Variants in PIP4K2A observed in about 807,000 individuals in gnomAD.
The protein encoded by PIP4K2A is phosphatidylinositol 5-phosphate 4-kinase type-2 alpha.
In PIP4K2A, 14 loss-of-function variants were observed where a neutral mutation model predicts 42.9. The observed-to-expected ratio is 0.33, with a 90% CI of 0.22 to 0.51. The LOEUF is 0.51. Among genes scored for constraint, PIP4K2A ranks in the 20% least tolerant of loss-of-function variants. The pLI, the probability that PIP4K2A is intolerant of heterozygous loss-of-function variation, is 0.97. For missense variants in PIP4K2A, 434 were observed against 519.8 expected, an observed-to-expected ratio of 0.83 and a Z score of 1.61; for synonymous variants, 192 against 192.2, an observed-to-expected ratio of 1.00 and a Z score of 0.01.
Position 22,601,130 on chromosome 10 carries a change from C to CAAAAAAAAAAAAAAAAAA in PIP4K2A, c.339+6779_339+6796dup, listed in dbSNP as rs1188396077. Among the ~76,000 whole-genome samples the CAAAAAAAAAAAAAAAAAA allele has an allele frequency of 5.6e-4, 18 of 31,926 alleles. 3 individuals carry two copies. Among genetic ancestry groups the CAAAAAAAAAAAAAAAAAA allele is most frequent in the Non-Finnish European group, 1.2e-3 (14 of 11,420 alleles). 20.9% of individuals were successfully genotyped at this position (31,926 alleles called of 152,430 possible). On this transcript the variant is annotated intron_variant, in intron 3 of 9. Coordinates refer to ENST00000376573, the MANE Select transcript of PIP4K2A (RefSeq NM_005028.5). Reference sequence around the variant, plus strand: ...CCTGGGCAACAGAGCGAGACTGTCTCAAAAAAAAAAAAAAAAAAAAAAAAA... The same window carrying CAAAAAAAAAAAAAAAAAA: ...CCTGGGCAACAGAGCGAGACTGTCTCAAAAAAAAAAAAAAAAAAAAAAAAAAAAAAAAAAAAAAAAAAA...
chr10:22,606,341 T>C (rs1452327113), intron 3 of PIP4K2A, among the ~76,000 whole-genome samples: 1 of 151,192 alleles, frequency 6.6e-6, no homozygotes, highest in African/African-American at 2.4e-5. Context: ...CTAACAGGAG[T>C]GTTGGCTCCC....
chr10:22,636,725 C>T (rs1838673847), intron 1 of PIP4K2A, among the ~76,000 whole-genome samples: 1 of 152,222 alleles, frequency 6.6e-6, no homozygotes, highest in Non-Finnish European at 1.5e-5. Flanking sequence ...ATGTGGACGA[C>T]TGCATATTAA....
rs1554807247 is a variant in PIP4K2A at position 22,664,142 on chromosome 10, C to CATAT, written c.144+50037_144+50040dup. 1.5e-3 allele frequency among the ~76,000 whole-genome samples: 43 copies of CATAT among 27,958 alleles called. 1 individual carries two copies. The highest frequency in any genetic ancestry group is 1.7e-3 in the African/African-American group (5 of 2,958). 18.3% of individuals were successfully genotyped at this position (27,958 alleles called of 152,430 possible). On this transcript the variant is annotated intron_variant, in intron 1 of 9. Coordinates refer to ENST00000376573, the MANE Select transcript of PIP4K2A (RefSeq NM_005028.5). ...ATATATATATATACATATATATATACATATATATACACATATATATATATA... is the reference window on the plus strand; with the variant it reads ...ATATATATATATACATATATATATACATATATATATATACACATATATATATATA...
intron 7 of PIP4K2A, among the ~76,000 whole-genome samples, chr10:22,545,885 G>C (rs1013756650): frequency 6.6e-6 from 1 of 152,076 alleles, no homozygotes; most frequent in Non-Finnish European, 1.5e-5. Flanking sequence ...TTTTTATTTT[G>C]TGTGGAGACA....
At chr10:22,586,263 T>C (rs1291044360) in intron 4 of PIP4K2A, among the ~76,000 whole-genome samples, 1 of 152,206 alleles carries the variant, frequency 6.6e-6, no homozygotes, top group East Asian at 1.9e-4. Context: ...CTTCTTTCTT[T>C]GCACAGAGTG....
At chr10:22,713,526 C>T (rs2130936321) in intron 1 of PIP4K2A, among the ~76,000 whole-genome samples, 1 of 152,320 alleles carries the variant, frequency 6.6e-6, no homozygotes, top group African/African-American at 2.4e-5. Context: ...GGGAGAAGCG[C>T]AGGGATGCCG....
At chr10:22,574,574 A>G (rs765638482) in intron 4 of PIP4K2A, among the ~76,000 whole-genome samples, 50 of 152,110 alleles carry the variant, frequency 3.3e-4, no homozygotes, top group Non-Finnish European at 6.0e-4. Context: ...TAAGAATGAA[A>G]AAGTCTTTGG....
At chr10:22,661,170 T>C (rs916758846) in intron 1 of PIP4K2A, among the ~76,000 whole-genome samples, 2 of 152,212 alleles carry the variant, frequency 1.3e-5, no homozygotes, top group African/African-American at 4.8e-5. Flanking sequence ...ACTTAGACCA[T>C]GTATTCATCT....
chr10:22,649,906 C>G (rs1360798224), intron 1 of PIP4K2A, among the ~76,000 whole-genome samples: 1 of 152,182 alleles, frequency 6.6e-6, no homozygotes, highest in Non-Finnish European at 1.5e-5. Context: ...ATTCATATCC[C>G]TCTCCCATCC....
At chr10:22,541,310 G>A (rs1836106762) in intron 8 of PIP4K2A, among the ~76,000 whole-genome samples, 1 of 152,162 alleles carries the variant, frequency 6.6e-6, no homozygotes, top group Admixed American at 6.5e-5. Context: ...GAGGGCTGTT[G>A]GTAATGACAA....
intron 3 of PIP4K2A, among the ~76,000 whole-genome samples, chr10:22,591,987 A>G (rs1837523558): frequency 1.3e-5 from 2 of 152,258 alleles, no homozygotes; most frequent in Admixed American, 6.5e-5. Context: ...AACAGCTTGA[A>G]TTGTACTATG....
intron 7 of PIP4K2A, among the ~76,000 whole-genome samples, chr10:22,546,268 G>A (rs1316189736): frequency 6.6e-6 from 1 of 152,086 alleles, no homozygotes; most frequent in African/African-American, 2.4e-5. Flanking sequence ...AATGGAAGCT[G>A]TTATTTGTAA....
At chr10:22,656,505 T>G (rs979541956) in intron 1 of PIP4K2A, among the ~76,000 whole-genome samples, 2 of 152,176 alleles carry the variant, frequency 1.3e-5, no homozygotes, top group Non-Finnish European at 2.9e-5. Context: ...TGAGACCATC[T>G]TGCTGCTACA....
intron 1 of PIP4K2A, among the ~76,000 whole-genome samples, chr10:22,645,638 T>TA (rs1387102043): frequency 2.7e-5 from 4 of 150,166 alleles, no homozygotes; most frequent in African/African-American, 9.8e-5. Flanking sequence ...TAAACTTTGT[T>TA]AAAGTAACAA....
At chr10:22,601,995 C>T (rs1259921164) in intron 3 of PIP4K2A, among the ~76,000 whole-genome samples, 4 of 152,198 alleles carry the variant, frequency 2.6e-5, no homozygotes, top group African/African-American at 9.7e-5. Context: ...CCGTGCTTTA[C>T]ATGGTGGGTG....
In PIP4K2A at chr10:22,577,725, G is replaced by A. The variant is rs926775332; in HGVS notation, c.493-4268C>T. On this transcript the variant is annotated intron_variant, in intron 4 of 9. Transcript: ENST00000376573. ...GTCACACTGCGACGCATCTTGTCGG[G>A]TTCTTGAGCATCCTCCCTCTCAGTC... Among the ~76,000 whole-genome samples the A allele has an allele frequency of 2.0e-5, 3 of 152,244 alleles. No individual in the cohort carries two copies. The East Asian group carries it at 5.8e-4, about 29-fold the overall frequency.
chr10:22,675,842 A>C (rs1285752472), intron 1 of PIP4K2A, among the ~76,000 whole-genome samples: 2 of 152,188 alleles, frequency 1.3e-5, no homozygotes, highest in African/African-American at 4.8e-5. Flanking sequence ...TCCTTGAACA[A>C]CACAGTGTTT....
intron 1 of PIP4K2A, among the ~76,000 whole-genome samples, chr10:22,698,065 C>T (rs767033208): frequency 2.0e-5 from 3 of 152,006 alleles, no homozygotes; most frequent in Non-Finnish European, 2.9e-5. Flanking sequence ...GCTTAGAGTC[C>T]GACGAAGAAA....
At chr10:22,638,641 G>C (rs1778332) in intron 1 of PIP4K2A, among the ~76,000 whole-genome samples, 12,691 of 152,058 alleles carry the variant, frequency 0.083, 934 homozygotes, top group African/African-American at 0.2. Flanking sequence ...TTCTCCTAGT[G>C]AACAGGGATC....
Sources: allele counts gnomAD v4.1 joint callset (sites outside exome capture counted in the v4.1 genomes callset), GRCh38; gene constraint gnomAD v4.1.1; transcripts MANE v1.5; gene names NCBI Gene and HGNC (gene_info 2026-07-23, HGNC 2026-07-21).